NR6A1: variants seen among roughly 807,000 people sequenced by gnomAD.
The protein encoded by NR6A1 is nuclear receptor subfamily 6 group A member 1.
In NR6A1, 7 loss-of-function variants were observed where a neutral mutation model predicts 59.1. That is an observed-to-expected ratio of 0.12 (90% CI 0.07 to 0.22). NR6A1 has a LOEUF of 0.22. NR6A1 is among the 10% of genes least tolerant of loss of function. The probability of loss-of-function intolerance (pLI) is 1.00; values close to 1 mark genes in which losing one functional copy is unlikely to be tolerated. For synonymous variants in NR6A1, 243 were observed against 236.1 expected (o/e 1.03, Z -0.27); for missense variants, 468 against 611.6 (o/e 0.77, Z 2.48).
chr9:124,684,246 CG>C (rs1457428842), intron 2 of NR6A1, among the ~76,000 whole-genome samples: 22 of 152,138 alleles, frequency 1.4e-4, no homozygotes, highest in Admixed American at 1.2e-3. Flanking sequence ...CACCAACAGC[CG>C]GGACAGTGAA....
At chr9:124,669,018 T>C (rs2130961990) in intron 2 of NR6A1, among the ~76,000 whole-genome samples, 1 of 152,304 alleles carries the variant, frequency 6.6e-6, no homozygotes, top group African/African-American at 2.4e-5. Flanking sequence ...CCCTAACAAA[T>C]ACCAGGCAGT....
chr9:124,589,733 T>C (rs1480199694), intron 2 of NR6A1, among the ~76,000 whole-genome samples: 2 of 152,214 alleles, frequency 1.3e-5, no homozygotes, highest in African/African-American at 4.8e-5. Context: ...TAAATATATC[T>C]GATACTTAAT....
intron 1 of NR6A1, among the ~76,000 whole-genome samples, chr9:124,738,128 C>G (rs915061174): frequency 1.3e-5 from 2 of 152,048 alleles, no homozygotes; most frequent in African/African-American, 4.8e-5. Context: ...GTGGTGCACA[C>G]CTGTAGTCAC....
intron 2 of NR6A1, among the ~76,000 whole-genome samples, chr9:124,673,130 T>G (rs1401402966): frequency 1.3e-5 from 2 of 152,104 alleles, no homozygotes; most frequent in Admixed American, 1.3e-4. Context: ...GAGATCAGCC[T>G]CGGCAACATG....
At chr9:124,523,220 T>C (rs934176689) in intron 9 of NR6A1, among the ~76,000 whole-genome samples, 8 of 152,190 alleles carry the variant, frequency 5.3e-5, no homozygotes, top group Non-Finnish European at 1.0e-4. Flanking sequence ...TTCTATAAAA[T>C]ATTGCACTTC....
intron 2 of NR6A1, among the ~76,000 whole-genome samples, chr9:124,703,207 A>G (rs917735865): frequency 4.8e-5 from 5 of 104,568 alleles, no homozygotes; most frequent in African/African-American, 1.2e-4. Context: ...ACACGGCCAC[A>G]TTTTTTTTTT....
chr9:124,584,439 G>A (rs1464476495), intron 2 of NR6A1, among the ~76,000 whole-genome samples: 1 of 151,808 alleles, frequency 6.6e-6, no homozygotes, highest in African/African-American at 2.4e-5. Context: ...AAGGTTTGTG[G>A]CAACCCTGCA....
rs555213349 is a variant in NR6A1 at position 124,642,724 on chromosome 9, A to C, written c.143-88154T>G. Among the ~76,000 whole-genome samples the C allele has an allele frequency of 2.4e-3, 358 of 152,322 alleles. 2 individuals are homozygous for C. Among genetic ancestry groups the C allele is most frequent in the African/African-American group, 7.9e-3 (330 of 41,562 alleles). On this transcript the variant is annotated intron_variant, in intron 2 of 9. Transcript: ENST00000487099. The stretch of plus-strand genomic sequence containing the variant: ...TGTGGGGCAGGGTGGTGGAGGGAGA[A>C]GGTGGTCATTTGGTGATGAAGACAG...
At chr9:124,713,694 T>C (rs1444984174) in intron 2 of NR6A1, among the ~76,000 whole-genome samples, 3 of 152,192 alleles carry the variant, frequency 2.0e-5, no homozygotes, top group Non-Finnish European at 2.9e-5. Context: ...CAATGAGATA[T>C]TGTCTCACAA....
chr9:124,726,740 T>A (rs1002386088), intron 2 of NR6A1, among the ~76,000 whole-genome samples: 8 of 152,226 alleles, frequency 5.3e-5, no homozygotes, highest in African/African-American at 1.9e-4. Context: ...GAGCCAGTCA[T>A]CCATACACTA....
At chr9:124,526,754 C>A (rs1832949381) in intron 8 of NR6A1, 25 bp downstream of exon 8, 1 of 1,611,564 alleles carries the variant, frequency 6.2e-7, no homozygotes, top group Admixed American at 1.7e-5. Context: ...CTGCAAACGT[C>A]CCTTTTCCCA....
intron 1 of NR6A1, among the ~76,000 whole-genome samples, chr9:124,739,251 C>T (rs1305730471): frequency 1.3e-5 from 2 of 151,784 alleles, no homozygotes; most frequent in Non-Finnish European, 2.9e-5. Context: ...ATTCAAATCC[C>T]AGATTTGCTA....
At chr9:124,661,143 TA>T (rs1837420995) in intron 2 of NR6A1, among the ~76,000 whole-genome samples, 1 of 151,624 alleles carries the variant, frequency 6.6e-6, no homozygotes, top group Non-Finnish European at 1.5e-5. Flanking sequence ...AACAAAGAAT[TA>T]AAATCAAAGC....
rs539514036 is a variant in NR6A1 at position 124,556,455 on chromosome 9, T to A, written c.143-1885A>T. Among the ~76,000 whole-genome samples the A allele has an allele frequency of 1.0e-3, 153 of 150,198 alleles. No individual in the cohort carries two copies. In the East Asian group the frequency reaches 0.012, roughly 11 times the overall value. On this transcript the variant is annotated intron_variant, in intron 2 of 9. Transcript: ENST00000487099. The stretch of plus-strand genomic sequence containing the variant: ...AAACACTTTCATTTCAGCCCAGGGA[T>A]ACTGATTTTTTTTTTTTTTTTTTGA...
chr9:124,587,337 ATC>A (rs1834965774), intron 2 of NR6A1, among the ~76,000 whole-genome samples: 2 of 152,184 alleles, frequency 1.3e-5, no homozygotes, highest in African/African-American at 2.4e-5. Context: ...AACTCGCAAT[ATC>A]TCTGAGGTAT....
chr9:124,760,986 A>C (rs951891935), intron 1 of NR6A1, among the ~76,000 whole-genome samples: 5 of 152,236 alleles, frequency 3.3e-5, no homozygotes, highest in Admixed American at 1.3e-4. Flanking sequence ...TCCTGCTAAA[A>C]AGGCATCTTG....
intron 2 of NR6A1, among the ~76,000 whole-genome samples, chr9:124,696,765 G>A (rs900114152): frequency 6.6e-6 from 1 of 151,470 alleles, no homozygotes; most frequent in East Asian, 1.9e-4. Context: ...CAAGTGATCC[G>A]CCCACCTCAG....
chr9:124,770,943 G>T, intron 1 of NR6A1, 77 bp downstream of exon 1: 1 of 846,866 alleles, frequency 1.2e-6, no homozygotes, highest in Non-Finnish European at 1.6e-6. Context: ...AGGGTCGGCA[G>T]AGAGGAGGGG....
At chr9:124,526,675 CTG>C (rs1456873611) in intron 8 of NR6A1, 102 bp downstream of exon 8, 4 of 1,512,916 alleles carry the variant, frequency 2.6e-6, no homozygotes, top group Non-Finnish European at 3.6e-6. Context: ...GTGATGGATT[CTG>C]TGTGATAGTC....
Sources: allele counts gnomAD v4.1 joint callset (sites outside exome capture counted in the v4.1 genomes callset), GRCh38; gene constraint gnomAD v4.1.1; transcripts MANE v1.5; gene names NCBI Gene and HGNC (gene_info 2026-07-23, HGNC 2026-07-21).